The following EBF1 variants were observed in gnomAD, a reference collection of about 807,000 sequenced individuals.
The protein encoded by EBF1 is EBF transcription factor 1, also known as transcription factor COE1.
EBF1 carries 10 observed loss-of-function variants against 68.4 expected under a neutral mutation model. That is an observed-to-expected ratio of 0.15 (90% confidence interval 0.09 to 0.25). EBF1 has a LOEUF of 0.25. Ranked by LOEUF, EBF1 falls within the 10% of genes least tolerant of loss-of-function variation. EBF1 has a pLI of 1.00. For synonymous variants in EBF1, 298 were observed against 299.8 expected (o/e 0.99, Z 0.06); for missense variants, 509 against 794.4 (o/e 0.64, Z 4.32).
At chr5:158,844,810 A>T (rs1341894681) in intron 6 of EBF1, among the ~76,000 whole-genome samples, 3 of 152,230 alleles carry the variant, frequency 2.0e-5, no homozygotes, top group African/African-American at 7.2e-5. Context: ...GGGTTCATCA[A>T]TCAGGCCAGT....
At chr5:158,768,597 A>C (rs952871545) in intron 10 of EBF1, among the ~76,000 whole-genome samples, 2 of 152,176 alleles carry the variant, frequency 1.3e-5, no homozygotes, top group African/African-American at 4.8e-5. Context: ...ATAACTTTGC[A>C]GTAAAGAATG....
At chr5:158,799,855 A>AT (rs980129089) in intron 8 of EBF1, among the ~76,000 whole-genome samples, 13 of 152,044 alleles carry the variant, frequency 8.6e-5, no homozygotes, top group African/African-American at 3.1e-4. Flanking sequence ...TTTATGTCAA[A>AT]TTTTTCAATC....
chr5:158,851,834 C>T (rs1207340187), intron 6 of EBF1, among the ~76,000 whole-genome samples: 13 of 69,162 alleles, frequency 1.9e-4, no homozygotes, highest in South Asian at 7.2e-4. Flanking sequence ...AAGGAAGGGA[C>T]GGGAAGGGAA....
At chr5:158,740,439 T>C (rs939026140) in intron 10 of EBF1, among the ~76,000 whole-genome samples, 8 of 152,134 alleles carry the variant, frequency 5.3e-5, no homozygotes, top group Non-Finnish European at 1.0e-4. Flanking sequence ...AATGAAATTA[T>C]AACAGAGCTC....
At chr5:158,850,482 G>T (rs148029446) in intron 6 of EBF1, among the ~76,000 whole-genome samples, 1 of 152,320 alleles carries the variant, frequency 6.6e-6, no homozygotes, top group Non-Finnish European at 1.5e-5. Context: ...CAGAGAGAAA[G>T]TAGGAACTGT....
intron 6 of EBF1, among the ~76,000 whole-genome samples, chr5:158,997,186 T>C (rs572407109): frequency 2.0e-4 from 31 of 152,232 alleles, no homozygotes; most frequent in African/African-American, 7.2e-4. Context: ...AGCAGTGAAT[T>C]CCTGGGTCCC....
intron 5 of EBF1, among the ~76,000 whole-genome samples, chr5:159,080,724 T>C (rs1418260030): frequency 6.6e-6 from 1 of 152,240 alleles, no homozygotes. Context: ...TGGTGATTAT[T>C]GCATTTAATC....
chr5:158,955,230 AG>A (rs1340486514), intron 6 of EBF1, among the ~76,000 whole-genome samples: 1 of 152,020 alleles, frequency 6.6e-6, no homozygotes, highest in East Asian at 1.9e-4. Flanking sequence ...GTCTGAGGCA[AG>A]AGAATCGCTT....
At chr5:158,944,590 G>A (rs529571676) in intron 6 of EBF1, among the ~76,000 whole-genome samples, 5 of 152,306 alleles carry the variant, frequency 3.3e-5, no homozygotes, top group South Asian at 2.1e-4. Context: ...ACCCAGTAAC[G>A]GGATTGCTGG....
chr5:159,062,469 G>C (rs1776047066), intron 6 of EBF1, among the ~76,000 whole-genome samples: 1 of 151,624 alleles, frequency 6.6e-6, no homozygotes, highest in Non-Finnish European at 1.5e-5. Context: ...TGGGGGTGGG[G>C]GACAGGAAGA....
intron 6 of EBF1, among the ~76,000 whole-genome samples, chr5:159,053,725 T>C (rs1282501750): frequency 6.6e-6 from 1 of 151,962 alleles, no homozygotes; most frequent in African/African-American, 2.4e-5. Context: ...ACAAAATGAG[T>C]ATATGTACCC....
intron 6 of EBF1, among the ~76,000 whole-genome samples, chr5:159,050,174 C>CT: frequency 6.7e-6 from 1 of 148,614 alleles, no homozygotes; most frequent in East Asian, 2.0e-4. Flanking sequence ...CTCTCTCTCT[C>CT]TCTCTCTTCT....
intron 6 of EBF1, among the ~76,000 whole-genome samples, chr5:158,938,330 C>T (rs1462086671): frequency 6.6e-6 from 1 of 152,162 alleles, no homozygotes; most frequent in East Asian, 1.9e-4. Context: ...GCAGCTTCAC[C>T]TTTCACCCCC....
intron 10 of EBF1, among the ~76,000 whole-genome samples, chr5:158,732,586 T>C (rs1039930555): frequency 2.0e-5 from 3 of 151,916 alleles, no homozygotes; most frequent in Admixed American, 1.3e-4. Flanking sequence ...TTACTTTTTA[T>C]GTAAGGAAAA....
At chr5:158,753,554 C>G (rs1769396820) in intron 10 of EBF1, among the ~76,000 whole-genome samples, 2 of 152,044 alleles carry the variant, frequency 1.3e-5, no homozygotes, top group African/African-American at 4.8e-5. Context: ...CTCGACCACA[C>G]CAAAACCACC....
At chr5:158,711,117 C>CT (rs1028459633) in intron 14 of EBF1, among the ~76,000 whole-genome samples, 27 of 151,816 alleles carry the variant, frequency 1.8e-4, no homozygotes, top group Admixed American at 1.5e-3. Flanking sequence ...TTTTCTTTTC[C>CT]TTTTTTTTAA....
intron 15 of EBF1, among the ~76,000 whole-genome samples, chr5:158,699,638 G>T (rs76680994): frequency 6.6e-6 from 1 of 152,312 alleles, no homozygotes; most frequent in East Asian, 1.9e-4. Flanking sequence ...AATCTTGAGT[G>T]CCTTTGCTTA....
At chr5:158,817,878 C>T (rs999364201) in intron 8 of EBF1, among the ~76,000 whole-genome samples, 11 of 152,126 alleles carry the variant, frequency 7.2e-5, no homozygotes, top group Admixed American at 6.5e-5. Flanking sequence ...TATGAATGAG[C>T]GATTTCAAGT....
At chr5:158,880,483 C>T (rs1278683881) in intron 6 of EBF1, among the ~76,000 whole-genome samples, 2 of 152,096 alleles carry the variant, frequency 1.3e-5, no homozygotes, top group Non-Finnish European at 2.9e-5. Context: ...TGGTACATTC[C>T]CACACTCCTC....
Sources: allele counts gnomAD v4.1 joint callset (sites outside exome capture counted in the v4.1 genomes callset), GRCh38; gene constraint gnomAD v4.1.1; transcripts MANE v1.5; gene names NCBI Gene and HGNC (gene_info 2026-07-23, HGNC 2026-07-21).